Variants in PDE1C observed in about 807,000 individuals in gnomAD.
PDE1C encodes the protein dual specificity calcium/calmodulin-dependent 3',5'-cyclic nucleotide phosphodiesterase 1C.
A neutral mutation model predicts 93.1 loss-of-function variants in PDE1C; 62 were observed. The observed-to-expected ratio is 0.67, with a 90% confidence interval of 0.54 to 0.82. The LOEUF (loss-of-function observed/expected upper bound fraction) is 0.82, where lower values mean the gene tolerates loss of function less well. Among genes scored for constraint, PDE1C ranks in the 40% least tolerant of loss-of-function variants. The probability of loss-of-function intolerance (pLI) is 0.00; values close to 1 mark genes in which losing one functional copy is unlikely to be tolerated. For synonymous variants in PDE1C, 325 were observed against 310.1 expected (o/e 1.05, Z -0.50); for missense variants, 742 against 884.6 (o/e 0.84, Z 2.04).
chr7:32,088,671 C>T (rs1281281726), intron 3 of PDE1C, among the ~76,000 whole-genome samples: 1 of 152,220 alleles, frequency 6.6e-6, no homozygotes, highest in East Asian at 1.9e-4. Flanking sequence ...AGGAAAATCC[C>T]TCTATGCACA....
At chr7:32,046,604 G>A (rs906229536) in intron 2 of PDE1C, among the ~76,000 whole-genome samples, 17 of 152,066 alleles carry the variant, frequency 1.1e-4, no homozygotes, top group Admixed American at 1.1e-3. Flanking sequence ...ATATACTATA[G>A]TAAGTATTAA....
At chr7:32,331,297 C>T (rs780998049) in intron 1 of PDE1C, among the ~76,000 whole-genome samples, 19 of 152,332 alleles carry the variant, frequency 1.2e-4, no homozygotes, top group South Asian at 2.1e-4. Context: ...TTGACTTAGA[C>T]ACTAGGTTCA....
intron 1 of PDE1C, among the ~76,000 whole-genome samples, chr7:32,262,885 T>G (rs1810311812): frequency 6.6e-6 from 1 of 152,266 alleles, no homozygotes; most frequent in South Asian, 2.1e-4. Context: ...AAGGCTCTCC[T>G]TGCCCCATAA....
intron 1 of PDE1C, among the ~76,000 whole-genome samples, chr7:32,310,805 G>T (rs1783010572): frequency 6.6e-6 from 1 of 151,896 alleles, no homozygotes; most frequent in African/African-American, 2.4e-5. Context: ...AAGCAGGAAA[G>T]ATCCAAAATT....
chr7:32,191,880 T>C (rs1473398236), intron 2 of PDE1C, among the ~76,000 whole-genome samples: 1 of 152,216 alleles, frequency 6.6e-6, no homozygotes, highest in Non-Finnish European at 1.5e-5. Context: ...ATCACCATTT[T>C]TATTTTAGCT....
chr7:31,787,970 G>A (rs1231706943), intron 16 of PDE1C: 2 of 152,142 alleles, frequency 1.3e-5, no homozygotes, highest in Non-Finnish European at 2.9e-5. Context: ...AAAGCTAAGA[G>A]TGAGTTACAT....
chr7:32,314,643 A>G (rs1291806776), intron 1 of PDE1C, among the ~76,000 whole-genome samples: 2 of 152,146 alleles, frequency 1.3e-5, no homozygotes, highest in African/African-American at 2.4e-5. Flanking sequence ...GTAACAAAGA[A>G]TGGAATTATA....
chr7:31,834,448 T>C (rs1790807448), intron 11 of PDE1C, among the ~76,000 whole-genome samples: 1 of 152,146 alleles, frequency 6.6e-6, no homozygotes, highest in African/African-American at 2.4e-5. Flanking sequence ...AGGCTGCACC[T>C]GGAAAAGCCA....
intron 1 of PDE1C, among the ~76,000 whole-genome samples, chr7:32,310,064 A>C (rs1782973257): frequency 1.3e-5 from 2 of 152,240 alleles, no homozygotes; most frequent in South Asian, 4.2e-4. Flanking sequence ...AGATCTACCA[A>C]GCAAATGGAA....
chr7:32,020,405 ATTT>A (rs534053583), intron 2 of PDE1C, among the ~76,000 whole-genome samples: 2 of 151,924 alleles, frequency 1.3e-5, no homozygotes, highest in African/African-American at 4.8e-5. Context: ...AGAAAAAAAA[ATTT>A]TTTTAAGGGA....
chr7:31,666,692 T>C, the PDE1C span, among the ~76,000 whole-genome samples: 7 of 152,296 alleles, frequency 4.6e-5, no homozygotes, highest in East Asian at 1.9e-4. Context: ...CATTTAGTCA[T>C]ATACCATCAC....
chr7:31,798,894 C>A (rs1422903394), intron 16 of PDE1C, among the ~76,000 whole-genome samples: 3 of 151,532 alleles, frequency 2.0e-5, no homozygotes, highest in African/African-American at 7.3e-5. Context: ...AAACATCAAC[C>A]AAAAGAAAGG....
At chr7:31,643,708 A>G in the PDE1C span, 1 of 1,614,018 alleles carries the variant, frequency 6.2e-7, no homozygotes. Flanking sequence ...CCAGCCCCTC[A>G]CCAAATCCGT....
chr7:32,182,256 T>C (rs1198791299), intron 2 of PDE1C, among the ~76,000 whole-genome samples: 6 of 152,198 alleles, frequency 3.9e-5, no homozygotes, highest in African/African-American at 1.2e-4. Context: ...TCTGAAACTA[T>C]TCCAATCAAT....
intron 3 of PDE1C, among the ~76,000 whole-genome samples, chr7:32,147,474 CT>C (rs1238264256): frequency 6.6e-6 from 1 of 152,000 alleles, no homozygotes; most frequent in African/African-American, 2.4e-5. Context: ...TTAATTATGC[CT>C]TTTTTGAACT....
At chr7:32,158,896 C>G (rs1349178081) in intron 3 of PDE1C, among the ~76,000 whole-genome samples, 1 of 152,202 alleles carries the variant, frequency 6.6e-6, no homozygotes, top group Non-Finnish European at 1.5e-5. Context: ...TTTGCTTTAC[C>G]TGGTTCCAAA....
chr7:32,125,617 A>T (rs995616117), intron 3 of PDE1C, among the ~76,000 whole-genome samples: 4 of 152,144 alleles, frequency 2.6e-5, no homozygotes, highest in Admixed American at 2.6e-4. Context: ...CTAACACAGG[A>T]ACAGAAAACC....
chr7:31,643,363 C>T, the PDE1C span: 7 of 1,613,990 alleles, frequency 4.3e-6, no homozygotes, highest in South Asian at 5.5e-5. Flanking sequence ...AAAGCTCATT[C>T]CCCACCTCCA....
chr7:31,699,811 C>A, the PDE1C span, among the ~76,000 whole-genome samples: 2 of 151,594 alleles, frequency 1.3e-5, no homozygotes, highest in Admixed American at 6.6e-5. Context: ...ATTATTATAT[C>A]TTTTATGGTG....
Sources: gnomAD v4.1 joint callset for allele counts (sites outside exome capture counted in the v4.1 genomes callset) on GRCh38, gnomAD v4.1.1 for gene constraint, MANE v1.5 for transcripts, NCBI Gene and HGNC (gene_info 2026-07-23, HGNC 2026-07-21) for gene names.